Variants in SFTPD observed in about 807,000 individuals in gnomAD.
SFTPD encodes the protein surfactant protein D.
In SFTPD, 18 loss-of-function variants were observed where a neutral mutation model predicts 34.6. The ratio of observed to expected loss-of-function variants is 0.52; its 90% CI spans 0.36 to 0.77. SFTPD has a LOEUF of 0.77. Ranked by LOEUF, SFTPD falls within the 30% of genes least tolerant of loss-of-function variation. SFTPD has a pLI of 0.00. For missense variants in SFTPD, 433 were observed against 468.9 expected (o/e 0.92, Z 0.71); for synonymous variants, 155 against 180.9 (o/e 0.86, Z 1.15).
At chr10:79,955,989 A>G (rs1273468587) in intron 1 of SFTPD, among the ~76,000 whole-genome samples, 1 of 152,240 alleles carries the variant, frequency 6.6e-6, no homozygotes, top group Non-Finnish European at 1.5e-5. Flanking sequence ...ATATGAAGCA[A>G]ATGTTGGCGG....
chr10:79,941,385 G>A lies in SFTPD; in HGVS notation c.667+13C>T, dbSNP rs201881585. The stretch of plus-strand genomic sequence containing the variant: ...CCAGCGGGGCTTCCCTGGGCCAGGA[G>A]CTGCTACCTTACCTGGAAGCCCACT... On this transcript the variant is annotated intron_variant, in intron 6 of 7. Transcript: ENST00000372292. The A allele has an allele frequency of 5.2e-5, 84 of 1,609,528 alleles. No individual in the cohort carries two copies. In the East Asian group the frequency reaches 1.7e-3, roughly 33 times the overall value.
At chr10:79,970,864 TA>T (rs1158478325) in intron 1 of SFTPD, 3 of 152,162 alleles carry the variant, frequency 2.0e-5, no homozygotes, top group Admixed American at 6.5e-5. Context: ...TTATTTCTCT[TA>T]CCTAATTGTT....
upstream of SFTPD, among the ~76,000 whole-genome samples, chr10:79,949,853 TGTA>T (rs978419484): frequency 4.3e-5 from 4 of 92,844 alleles, no homozygotes; most frequent in African/African-American, 2.9e-4. Context: ...TTAGTCTGTA[TGTA>T]TTTTTTTTTT....
At chr10:79,938,584 G>T (rs1461895463) in intron 7 of SFTPD, among the ~76,000 whole-genome samples, 1 of 152,162 alleles carries the variant, frequency 6.6e-6, no homozygotes, top group Non-Finnish European at 1.5e-5. Flanking sequence ...TACTAGAATT[G>T]ATTTCTCAAT....
At chr10:79,938,341 G>C (rs2819098) in intron 7 of SFTPD, 113 bp from the exon 8 acceptor site, 1 of 882,720 alleles carries the variant, frequency 1.1e-6, no homozygotes, top group South Asian at 1.7e-5. Flanking sequence ...AACAGGCACC[G>C]CATCAGGATG....
chr10:79,981,847 C>T, intron 1 of SFTPD: 1 of 231,124 alleles, frequency 4.3e-6, no homozygotes, highest in South Asian at 4.4e-5. Flanking sequence ...TCATGGCGCA[C>T]CAGAACCTAA....
chr10:79,958,539 G>A (rs985073007), intron 1 of SFTPD, among the ~76,000 whole-genome samples: 1 of 152,186 alleles, frequency 6.6e-6, no homozygotes, highest in African/African-American at 2.4e-5. Flanking sequence ...GATCAAAAGA[G>A]ACAAAGAAGG....
rs569248020 is a variant in SFTPD at position 79,973,038 on chromosome 10, C to T, written c.36+9537G>A. The T allele has an allele frequency of 4.6e-5, 7 of 152,274 alleles. No individual in the cohort carries two copies. In the East Asian group the frequency reaches 1.4e-3, roughly 29 times the overall value. 9.4% of individuals were successfully genotyped at this position (152,274 alleles called of 1,614,324 possible). On this transcript the variant is annotated intron_variant, in intron 1 of 5. Coordinates refer to the SFTPD transcript ENST00000444384. ...GAGCTGTTATCATGTGTGAGTTTCC[C>T]TTTAAACATTGAAACAGAAAGAAAA...
At chr10:79,944,438 A>G (rs998093343) in intron 2 of SFTPD, among the ~76,000 whole-genome samples, 26 of 152,138 alleles carry the variant, frequency 1.7e-4, no homozygotes, top group Non-Finnish European at 3.7e-4. Flanking sequence ...ATCCGGGAGT[A>G]AAGTCCTGAA....
intron 1 of SFTPD, among the ~76,000 whole-genome samples, chr10:79,960,163 C>T (rs1842763756): frequency 6.6e-6 from 1 of 150,426 alleles, no homozygotes; most frequent in Admixed American, 6.7e-5. Flanking sequence ...TAAGAGCTAT[C>T]TATGACAAAC....
At chr10:79,942,335 C>A in intron 4 of SFTPD, 53 bp downstream of exon 4, 1 of 1,260,640 alleles carries the variant, frequency 7.9e-7, no homozygotes, top group African/African-American at 1.5e-5. Context: ...ATATCATGGA[C>A]CCTTGTCCTT....
At chr10:79,981,456 A>G (rs777694095) in intron 1 of SFTPD, among the ~76,000 whole-genome samples, 1 of 152,330 alleles carries the variant, frequency 6.6e-6, no homozygotes, top group East Asian at 1.9e-4. Flanking sequence ...ATTCAAGTGT[A>G]AGAAACCTAT....
At chr10:79,944,014 G>A (rs1589335001) in intron 2 of SFTPD, among the ~76,000 whole-genome samples, 1 of 152,196 alleles carries the variant, frequency 6.6e-6, no homozygotes, top group African/African-American at 2.4e-5. Context: ...GTGGAGGAGG[G>A]GCACCTCCCC....
chr10:79,971,890 CTT>C (rs1252006919), intron 1 of SFTPD: 1 of 152,104 alleles, frequency 6.6e-6, no homozygotes, highest in Non-Finnish European at 1.5e-5. Context: ...TCTTGCAAGA[CTT>C]AAGAAGTTTT....
At position 79,942,402 on chromosome 10, in the gene SFTPD, T is replaced by G. The variant is rs1842622550; in HGVS notation, c.419A>C (p.Glu140Ala). The change falls in exon 4 of 8, where the codon GAA becomes GCA. Residue 140 changes from glutamate (E) to alanine (A), a missense_variant. By Grantham distance (107) the Glu-to-Ala change is moderately radical. Transcript: ENST00000372292. ...CAGCCACCTACCTTTGGGCCCAGCT[T>G]CTCCTTTTGGGCCTGGCTTGCCCTG... The part of the protein sequence containing the change: ...GPQGKPGPKG[E>A]AGPKGEVGAP... 1.2e-6 allele frequency: 2 copies of G among 1,610,062 alleles called. No individual in the cohort carries two copies. The highest frequency in any genetic ancestry group is 1.7e-6 in the Non-Finnish European group (2 of 1,176,618).
At chr10:79,957,352 G>A (rs10887244) in intron 1 of SFTPD, among the ~76,000 whole-genome samples, 5 of 152,052 alleles carry the variant, frequency 3.3e-5, no homozygotes, top group African/African-American at 7.2e-5. Context: ...CAAACTATTC[G>A]GAGCTACAGG....
At chr10:79,962,262 T>C (rs1485389814) in intron 1 of SFTPD, among the ~76,000 whole-genome samples, 1 of 151,250 alleles carries the variant, frequency 6.6e-6, no homozygotes, top group Non-Finnish European at 1.5e-5. Flanking sequence ...AACCTGCACA[T>C]TGTGCACATG....
intron 1 of SFTPD, chr10:79,969,130 GGAGTTC>G (rs778089432): frequency 1.3e-5 from 2 of 151,946 alleles, no homozygotes; most frequent in African/African-American, 2.4e-5. Flanking sequence ...CCTGAGATCA[GGAGTTC>G]GAGACCGGCC....
intron 4 of SFTPD, 51 bp downstream of exon 4, chr10:79,942,337 C>G (rs369852532): frequency 3.5e-5 from 45 of 1,287,822 alleles, no homozygotes; most frequent in Non-Finnish European, 4.6e-5. Context: ...ATCATGGACC[C>G]TTGTCCTTCC....
Sources: allele counts gnomAD v4.1 joint callset (sites outside exome capture counted in the v4.1 genomes callset), GRCh38; gene constraint gnomAD v4.1.1; transcripts MANE v1.5; gene names NCBI Gene and HGNC (gene_info 2026-07-23, HGNC 2026-07-21).